Variants in PLCG1 observed in about 807,000 individuals in gnomAD.
The protein encoded by PLCG1 is phospholipase C gamma 1, also known as 1-phosphatidylinositol 4,5-bisphosphate phosphodiesterase gamma-1.
In PLCG1, 71 loss-of-function variants were observed where a neutral mutation model predicts 177.8. The ratio of observed to expected loss-of-function variants is 0.40; its 90% CI spans 0.33 to 0.49. The LOEUF is 0.49. Ranked by LOEUF, PLCG1 falls within the 20% of genes least tolerant of loss-of-function variation. The pLI, the probability that PLCG1 is intolerant of heterozygous loss-of-function variation, is 0.72. For synonymous variants in PLCG1, 658 were observed against 647.9 expected (o/e 1.02, Z -0.24); for missense variants, 1,281 against 1,709.0 (o/e 0.75, Z 4.42).
Position 41,165,725 on chromosome 20 carries a change from G to A in PLCG1, c.1698G>A (p.Glu566=). The change falls in exon 16 of 32, where the codon GAG becomes GAA. Residue 566 remains glutamate, a synonymous_variant. Coordinates refer to ENST00000685551, the MANE Select transcript of PLCG1 (RefSeq NM_002660.3). This position sits in a 1 kb window ranked among gnomAD's most constrained non-coding sequence, Gnocchi z 6.6. The part of the protein sequence containing the change: ...GAGRDGRHIA[E]RLLTEYCIET... ...GGCGTGACGGGCGTCACATCGCTGAGCGCCTGCTTACTGAGTACTGCATCG... is the reference window on the plus strand; with the variant it reads ...GGCGTGACGGGCGTCACATCGCTGAACGCCTGCTTACTGAGTACTGCATCG... 6.2e-7 allele frequency: 1 copy of A among 1,613,952 alleles called. No individual in the cohort carries two copies. Among genetic ancestry groups the A allele is most frequent in the South Asian group, 1.1e-5 (1 of 91,084 alleles).
At position 41,175,801 on chromosome 20, in the gene PLCG1, T is replaced by C. The variant is rs1013974214; in HGVS notation, c.*1292T>C. The C allele has an allele frequency of 1.3e-5, 2 of 152,622 alleles. No individual in the cohort carries two copies. Among genetic ancestry groups the C allele is most frequent in the African/African-American group, 2.4e-5 (1 of 41,444 alleles). 9.5% of individuals were successfully genotyped at this position (152,622 alleles called of 1,614,324 possible). ...CTCACTAGAAACAGTCGCCAGATGA[T>C]TATTCTGCAGTAGAAGCAGGTAGGA... On this transcript the variant is annotated 3_prime_UTR_variant, in exon 32 of 32. Transcript: ENST00000685551.
rs373581988 is a variant in PLCG1, at chr20:41,166,880, G to A, written c.2301+21G>A. 3.0e-5 allele frequency: 48 copies of A among 1,609,564 alleles called. No homozygotes were observed. The highest frequency in any genetic ancestry group is 1.6e-4 in the Middle Eastern group (1 of 6,078). ...CAGCTGTGAGGGGGCTGTGGTAGAC[G>A]GGGCATGGCAGGGGAGGCAGGAGAG... On this transcript the variant is annotated intron_variant, in intron 19 of 31. Coordinates refer to ENST00000685551, the MANE Select transcript of PLCG1 (RefSeq NM_002660.3). The surrounding 1 kb of genome is among the most constrained non-coding windows in gnomAD (Gnocchi z 8.6).
Position 41,148,959 on chromosome 20 carries a change from C to T in PLCG1, c.218-10647C>T, listed in dbSNP as rs2035079437. ...TTAACCTCTTTGTGCTCAATTTCCT[C>T]ACTCGGGAATTGGGGACCCTAATAC... On this transcript the variant is annotated intron_variant, in intron 1 of 31. Coordinates refer to ENST00000685551, the MANE Select transcript of PLCG1 (RefSeq NM_002660.3). This position sits in a 1 kb window ranked among gnomAD's most constrained non-coding sequence, Gnocchi z 4.3. Among the ~76,000 whole-genome samples, 1 of 152,248 alleles carries T rather than the reference C, an allele frequency of 6.6e-6. No individual in the cohort carries two copies. Among genetic ancestry groups the T allele is most frequent in the Non-Finnish European group, 1.5e-5 (1 of 68,048 alleles).
Position 41,153,748 on chromosome 20 carries a change from C to G in PLCG1, c.218-5858C>G, listed in dbSNP as rs2035235856. Among the ~76,000 whole-genome samples, 1 of 152,050 alleles carries G rather than the reference C, an allele frequency of 6.6e-6. No individual in the cohort carries two copies. Among genetic ancestry groups the G allele is most frequent in the Admixed American group, 6.5e-5 (1 of 15,270 alleles). ...CCGTCTCTACTAAAAATACAAAAATCAGCTGGGCATGGTGGTGTGCATCTG... is the reference window on the plus strand; with the variant it reads ...CCGTCTCTACTAAAAATACAAAAATGAGCTGGGCATGGTGGTGTGCATCTG... On this transcript the variant is annotated intron_variant, in intron 1 of 31. Coordinates refer to ENST00000685551, the MANE Select transcript of PLCG1 (RefSeq NM_002660.3). This position sits in a 1 kb window ranked among gnomAD's most constrained non-coding sequence, Gnocchi z 5.1.
In PLCG1 at chr20:41,155,643, G is replaced by T. The variant is rs568479763; in HGVS notation, c.218-3963G>T. Among the ~76,000 whole-genome samples, 182 of 152,256 alleles carry T rather than the reference G, an allele frequency of 1.2e-3. 2 individuals are homozygous for T. Among genetic ancestry groups the T allele is most frequent in the Non-Finnish European group, 1.5e-4 (10 of 68,016 alleles). ...TAGCTGCTTGTATTCTTCTCTTCAT[G>T]GATCATCTTTATTTCACCCAAGTTT... On this transcript the variant is annotated intron_variant, in intron 1 of 31. Transcript: ENST00000685551.
chr20:41,152,428 A>G (rs562505274), intron 1 of PLCG1, among the ~76,000 whole-genome samples: 10 of 152,306 alleles, frequency 6.6e-5, no homozygotes, highest in African/African-American at 1.9e-4. Context: ...ATTCCCCCCA[A>G]CTATGCCTGC....
rs756501306 is a variant in PLCG1 at position 41,164,798 on chromosome 20, C to T, written c.1218-135C>T. On this transcript the variant is annotated intron_variant, in intron 12 of 31. Transcript: ENST00000685551. This position sits in a 1 kb window ranked among gnomAD's most constrained non-coding sequence, Gnocchi z 6.4. Reference sequence around the variant, plus strand: ...TCTCTGCCCCACCAGTGGCTATGGCCTGCCTCTTTTCTGGGATAGTTTTTA... The same window carrying T: ...TCTCTGCCCCACCAGTGGCTATGGCTTGCCTCTTTTCTGGGATAGTTTTTA... 1.2e-6 allele frequency: 1 copy of T among 840,310 alleles called. No individual in the cohort carries two copies. The highest frequency in any genetic ancestry group is 1.8e-6 in the Non-Finnish European group (1 of 544,692). The allele number at this position is 840,310 out of a possible 1,614,324, so 52.1% of individuals were successfully genotyped here.
At chr20:41,169,251 C>T (rs2035812612) in intron 22 of PLCG1, 76 bp downstream of exon 22, 34 of 1,147,446 alleles carry the variant, frequency 3.0e-5, no homozygotes, top group Non-Finnish European at 4.1e-5. Flanking sequence ...CACACAGTCC[C>T]AAGCACGCAC....
In PLCG1 at chr20:41,159,686, C is replaced by T. The variant is rs771660609; in HGVS notation, c.298C>T (p.Arg100Trp). 2.3e-5 allele frequency: 37 copies of T among 1,614,086 alleles called. No homozygotes were observed. Among genetic ancestry groups the T allele is most frequent in the South Asian group, 1.6e-4 (15 of 91,090 alleles). Reference protein sequence around the residue: ...FDRYQEDPAFRPDQSHCFVIL... With the variant: ...FDRYQEDPAFWPDQSHCFVIL... ...TCGCTATCAAGAGGACCCAGCTTTC[C>T]GGCCGGACCAGTCACATTGCTTTGT... The change falls in exon 2 of 32, where the codon CGG becomes TGG. Residue 100 changes from arginine (R) to tryptophan (W), a missense_variant. Coordinates refer to ENST00000685551, the MANE Select transcript of PLCG1 (RefSeq NM_002660.3). The surrounding 1 kb of genome is among the most constrained non-coding windows in gnomAD (Gnocchi z 6.0).
At chr20:41,158,791 C>G (rs2035401310) in intron 1 of PLCG1, among the ~76,000 whole-genome samples, 1 of 152,230 alleles carries the variant, frequency 6.6e-6, no homozygotes, top group Non-Finnish European at 1.5e-5. Flanking sequence ...TTTTCTACCA[C>G]CCTGCCTTCT....
chr20:41,164,874 C>T lies in PLCG1; in HGVS notation c.1218-59C>T. 1 of 1,535,452 alleles carries T rather than the reference C, an allele frequency of 6.5e-7. No homozygotes were observed. Among genetic ancestry groups the T allele is most frequent in the Non-Finnish European group, 8.9e-7 (1 of 1,123,200 alleles). ...GCTTCCAACAGCTCACTGTGAGGGG[C>T]TACTTAGACCCAGAGAATTGCAGAA... On this transcript the variant is annotated intron_variant, in intron 12 of 31. Transcript: ENST00000685551. This position sits in a 1 kb window ranked among gnomAD's most constrained non-coding sequence, Gnocchi z 6.4.
In PLCG1 at chr20:41,173,613, C is replaced by T. The variant is rs1028852811; in HGVS notation, c.3395-39C>T. 2.7e-5 allele frequency: 44 copies of T among 1,613,996 alleles called. No individual in the cohort carries two copies. The highest frequency in any genetic ancestry group is 1.6e-4 in the Middle Eastern group (1 of 6,084). On this transcript the variant is annotated intron_variant, in intron 28 of 31. Coordinates refer to ENST00000685551, the MANE Select transcript of PLCG1 (RefSeq NM_002660.3). This position sits in a 1 kb window ranked among gnomAD's most constrained non-coding sequence, Gnocchi z 6.2. ...CTCCCCACCAGTCATCCCATCCTCT[C>T]CCACGGTGACCTGAAGCCTTTTGTC...
rs1044061228 is a variant in PLCG1, at chr20:41,177,176, G to A, written c.*2667G>A. ...GCTCCTTGTTCTCCTGCCATCACCA[G>A]TAGAACCTTCTGGCTGACAGACCAG... On this transcript the variant is annotated 3_prime_UTR_variant, in exon 32 of 32. Coordinates refer to ENST00000685551, the MANE Select transcript of PLCG1 (RefSeq NM_002660.3). 1 of 152,262 alleles carries A rather than the reference G, an allele frequency of 6.6e-6. No individual in the cohort carries two copies. The highest frequency in any genetic ancestry group is 1.5e-5 in the Non-Finnish European group (1 of 68,058). 9.4% of individuals were successfully genotyped at this position (152,262 alleles called of 1,614,324 possible). A position where few individuals can be genotyped will look rare whatever the true frequency, so the allele number is the denominator to read the frequency against.
In PLCG1 at chr20:41,168,775, C is replaced by T; in HGVS notation, c.2388C>T (p.Val796=). 1 of 1,606,780 alleles carries T rather than the reference C, an allele frequency of 6.2e-7. No homozygotes were observed. Among genetic ancestry groups the T allele is most frequent in the Non-Finnish European group, 8.5e-7 (1 of 1,174,176 alleles). The change falls in exon 21 of 32, where the codon GTC becomes GTT. Residue 796 remains valine (V), a synonymous_variant. Coordinates refer to ENST00000685551, the MANE Select transcript of PLCG1 (RefSeq NM_002660.3). ...GCTTCTCACCTCTGCAGTGTGCAGT[C>T]AAAGCCCTCTTTGACTACAAGGCCC... ...ANPMPTFKCA[V]KALFDYKAQR...
At position 41,166,815 on chromosome 20, in the gene PLCG1, C is replaced by T. The variant is rs1371486341; in HGVS notation, c.2257C>T (p.Arg753Cys). The change falls in exon 19 of 32, where the codon CGC becomes TGC. Residue 753 changes from arginine to cysteine, a missense_variant. Physicochemically the swap from Arg to Cys is radical, Grantham distance 180 (BLOSUM62 -3). Around this residue, in one of 4 missense-constraint regions of PLCG1, gnomAD observed 723 missense variants for 1,030.0 expected, o/e 0.70. Transcript: ENST00000685551. The surrounding 1 kb of genome is among the most constrained non-coding windows in gnomAD (Gnocchi z 8.6). ...CCCGCTATACCGCAAGATGAAGCTG[C>T]GCTATCCCATCAACGAGGAGGCACT... is the stretch of plus-strand genomic sequence containing the variant. ...KHPLYRKMKL[R>C]YPINEEALEK... The T allele has an allele frequency of 6.2e-7, 1 of 1,614,150 alleles. No individual in the cohort carries two copies. Among genetic ancestry groups the T allele is most frequent in the African/African-American group, 1.3e-5 (1 of 75,058 alleles).
In PLCG1 at chr20:41,137,630, A is replaced by G. The variant is rs900084668; in HGVS notation, c.-12A>G. 19 of 1,316,214 alleles carry G rather than the reference A, an allele frequency of 1.4e-5. No individual in the cohort carries two copies. The highest frequency in any genetic ancestry group is 2.3e-5 in the South Asian group (1 of 43,090). 81.5% of individuals were successfully genotyped at this position (1,316,214 alleles called of 1,614,324 possible). A position where few individuals can be genotyped will look rare whatever the true frequency, so the allele number is the denominator to read the frequency against. On this transcript the variant is annotated 5_prime_UTR_variant, in exon 1 of 32. Transcript: ENST00000685551. The surrounding 1 kb of genome is among the most constrained non-coding windows in gnomAD (Gnocchi z 7.3). ...CCTGGCCTGTGCCGCCGCCGCCCCC[A>G]GCGTCGGAGCCATGGCGGGCGCCGC...
Position 41,174,014 on chromosome 20 carries a change from A to G in PLCG1, c.3645+3A>G, listed in dbSNP as rs1221909736. On this transcript the variant is annotated splice_donor_region_variant and intron_variant, in intron 30 of 31. Coordinates refer to ENST00000685551, the MANE Select transcript of PLCG1 (RefSeq NM_002660.3). The surrounding 1 kb of genome is among the most constrained non-coding windows in gnomAD (Gnocchi z 5.8). ...AGATTGACATTTTCCCTGCCAAGGTATCTGCAGCAGGGGTGGGCTGGCCTG... is the reference window on the plus strand; with the variant it reads ...AGATTGACATTTTCCCTGCCAAGGTGTCTGCAGCAGGGGTGGGCTGGCCTG... The G allele has an allele frequency of 6.2e-7, 1 of 1,612,600 alleles. No homozygotes were observed. The highest frequency in any genetic ancestry group is 1.7e-5 in the Admixed American group (1 of 60,028).
At position 41,174,923 on chromosome 20, in the gene PLCG1, CAA is replaced by C; in HGVS notation, c.*416_*417del. On this transcript the variant is annotated 3_prime_UTR_variant, in exon 32 of 32. Transcript: ENST00000685551. This position sits in a 1 kb window ranked among gnomAD's most constrained non-coding sequence, Gnocchi z 5.8. ...GAGGAGCCTTGCTGGGCCAGGGAAA[CAA>C]AGTTTACATTGTCCTGTAGCTTTAA... is the stretch of plus-strand genomic sequence containing the variant. 1 of 203,548 alleles carries C rather than the reference CAA, an allele frequency of 4.9e-6. No homozygotes were observed. The highest frequency in any genetic ancestry group is 1.0e-5 in the Non-Finnish European group (1 of 99,236). 12.6% of individuals were successfully genotyped at this position (203,548 alleles called of 1,614,324 possible).
In PLCG1 at chr20:41,137,971, C is replaced by T. The variant is rs1019017088; in HGVS notation, c.217+113C>T. 5 of 690,564 alleles carry T rather than the reference C, an allele frequency of 7.2e-6. No individual in the cohort carries two copies. The highest frequency in any genetic ancestry group is 4.6e-4 in the Middle Eastern group (1 of 2,168). 42.8% of individuals were successfully genotyped at this position (690,564 alleles called of 1,614,324 possible). A position where few individuals can be genotyped will look rare whatever the true frequency, so the allele number is the denominator to read the frequency against. ...CAGCGACTTGGGCAAACTTTCGGGC[C>T]CTCCCAGACTCCCTCCGGGCCCCGC... On this transcript the variant is annotated intron_variant, in intron 1 of 31. Coordinates refer to ENST00000685551, the MANE Select transcript of PLCG1 (RefSeq NM_002660.3). This position sits in a 1 kb window ranked among gnomAD's most constrained non-coding sequence, Gnocchi z 7.3.
Sources: gnomAD v4.1 joint callset for allele counts (sites outside exome capture counted in the v4.1 genomes callset) on GRCh38, gnomAD v4.1.1 for gene constraint, gnomAD v4.1.1 regional missense constraint, Gnocchi (gnomAD v3.1) non-coding constraint, MANE v1.5 for transcripts, NCBI Gene and HGNC (gene_info 2026-07-23, HGNC 2026-07-21) for gene names.